The following HS1BP3 variants were observed in gnomAD, a reference collection of about 807,000 sequenced individuals.
HS1BP3 encodes the protein HCLS1-binding protein 3.
Under a neutral mutation model 33.5 loss-of-function variants are expected in HS1BP3, and 32 were observed. The ratio of observed to expected loss-of-function variants is 0.95; its 90% CI spans 0.72 to 1.28. The LOEUF (loss-of-function observed/expected upper bound fraction) is 1.28. Ranked by LOEUF, HS1BP3 falls within the 50% of genes most tolerant of loss-of-function variation. The pLI, the probability that HS1BP3 is intolerant of heterozygous loss-of-function variation, is 0.00. For missense variants in HS1BP3, 486 were observed against 502.3 expected, an observed-to-expected ratio of 0.97 and a Z score of 0.31; for synonymous variants, 187 against 209.2, an observed-to-expected ratio of 0.89 and a Z score of 0.92.
chr2:20,610,224 C>T (rs1446050754), intron 2 of HS1BP3, among the ~76,000 whole-genome samples: 2 of 152,170 alleles, frequency 1.3e-5, no homozygotes, highest in Admixed American at 6.5e-5. Flanking sequence ...GCCTCCTTAT[C>T]ACCCAGAGCC....
chr2:20,647,635 C>G (rs1017293974), intron 1 of HS1BP3, among the ~76,000 whole-genome samples: 1 of 152,160 alleles, frequency 6.6e-6, no homozygotes. Context: ...GCACCTGGGC[C>G]TACTCCATCA....
At chr2:20,627,855 T>C (rs1382436768) in intron 4 of HS1BP3, among the ~76,000 whole-genome samples, 1 of 152,190 alleles carries the variant, frequency 6.6e-6, no homozygotes, top group Non-Finnish European at 1.5e-5. Context: ...GGCTTAGTAA[T>C]GTGCCTGGTC....
chr2:20,645,508 G>A lies in HS1BP3; in HGVS notation c.33-3C>T. On this transcript the variant is annotated splice_polypyrimidine_tract_variant and splice_region_variant and intron_variant, in intron 1 of 6. Coordinates refer to ENST00000304031, the MANE Select transcript of HS1BP3 (RefSeq NM_022460.4). ...CAGTGTGGGCATTCTGAAGTCGCCT[G>A]CCAGGGGAAAAGAAGGCAGGTGGGG... 6.2e-7 allele frequency: 1 copy of A among 1,610,658 alleles called. No individual in the cohort carries two copies. Among genetic ancestry groups the A allele is most frequent in the East Asian group, 2.2e-5 (1 of 44,822 alleles).
In HS1BP3 at chr2:20,641,038, T is replaced by G. The variant is rs1425760425; in HGVS notation, c.341A>C (p.Glu114Ala). The G allele has an allele frequency of 6.2e-7, 1 of 1,614,058 alleles. No individual in the cohort carries two copies. Among genetic ancestry groups the G allele is most frequent in the African/African-American group, 1.3e-5 (1 of 74,934 alleles). The change falls in exon 3 of 7, where the codon GAG becomes GCG. Residue 114 changes from glutamate (E) to alanine (A), a missense_variant. Physicochemically the swap from Glu to Ala is moderately radical, Grantham distance 107. Coordinates refer to ENST00000304031, the MANE Select transcript of HS1BP3 (RefSeq NM_022460.4). ...ATCCTTGGAGACACAGCGCAGGATCTCATTGAACACGGCTCTCCTCTCCCG... is the reference window on the plus strand; with the variant it reads ...ATCCTTGGAGACACAGCGCAGGATCGCATTGAACACGGCTCTCCTCTCCCG... ...DIRERRAVFN[E>A]ILRCVSKDAE...
chr2:20,626,101 G>A (rs369854297), intron 4 of HS1BP3, among the ~76,000 whole-genome samples: 68 of 152,168 alleles, frequency 4.5e-4, no homozygotes, highest in African/African-American at 1.5e-3. Flanking sequence ...AACACGCTGC[G>A]GCAAAACTGC....
intron 4 of HS1BP3, among the ~76,000 whole-genome samples, chr2:20,628,021 G>C (rs1694842343): frequency 6.6e-6 from 1 of 152,150 alleles, no homozygotes. Flanking sequence ...GGGGCAGGGA[G>C]GGAAGAGGGA....
intron 4 of HS1BP3, among the ~76,000 whole-genome samples, chr2:20,628,920 T>A (rs76950217): frequency 3.2e-4 from 49 of 152,232 alleles, no homozygotes; most frequent in African/African-American, 9.9e-4. Flanking sequence ...GCAGACGTAG[T>A]GCCATGAGGG....
chr2:20,572,945 G>C (rs1173435473), intron 5 of HS1BP3, among the ~76,000 whole-genome samples: 1 of 152,164 alleles, frequency 6.6e-6, no homozygotes, highest in Non-Finnish European at 1.5e-5. Context: ...ATCACTCTGT[G>C]GTCCCCAGGG....
chr2:20,582,989 TCA>T (rs1693571219), intron 5 of HS1BP3, among the ~76,000 whole-genome samples: 1 of 152,026 alleles, frequency 6.6e-6, no homozygotes, highest in South Asian at 2.1e-4. Flanking sequence ...CACACCCTCC[TCA>T]CACCCTGGGC....
intron 5 of HS1BP3, among the ~76,000 whole-genome samples, chr2:20,565,976 T>A (rs1693117021): frequency 6.6e-6 from 1 of 152,234 alleles, no homozygotes. Context: ...ACGCATTGCT[T>A]CCTGGTATGG....
chr2:20,648,048 T>C (rs1695569447), intron 1 of HS1BP3, among the ~76,000 whole-genome samples: 1 of 152,186 alleles, frequency 6.6e-6, no homozygotes, highest in Non-Finnish European at 1.5e-5. Context: ...GGCTGGCTGC[T>C]CCTAAGGCCA....
At chr2:20,605,530 T>C (rs767122720) in intron 2 of HS1BP3, among the ~76,000 whole-genome samples, 4 of 152,166 alleles carry the variant, frequency 2.6e-5, no homozygotes, top group Non-Finnish European at 4.4e-5. Flanking sequence ...GTACAACTCT[T>C]GTTGCTATCG....
At chr2:20,602,982 C>G (rs1694102577) in intron 2 of HS1BP3, among the ~76,000 whole-genome samples, 1 of 152,144 alleles carries the variant, frequency 6.6e-6, no homozygotes, top group South Asian at 2.1e-4. Context: ...AAAAAAGATG[C>G]TCAACATCAT....
chr2:20,570,578 A>G (rs1693242910), intron 5 of HS1BP3, among the ~76,000 whole-genome samples: 1 of 152,162 alleles, frequency 6.6e-6, no homozygotes, highest in Non-Finnish European at 1.5e-5. Context: ...TGGGAGAGAG[A>G]TGGGTAAATG....
intron 2 of HS1BP3, among the ~76,000 whole-genome samples, chr2:20,600,831 A>C (rs891312387): frequency 1.3e-5 from 2 of 152,184 alleles, no homozygotes; most frequent in Non-Finnish European, 2.9e-5. Flanking sequence ...TTTATAAAAA[A>C]ATATATATTT....
intron 6 of HS1BP3, among the ~76,000 whole-genome samples, chr2:20,621,244 G>A (rs1694592955): frequency 6.6e-6 from 1 of 152,248 alleles, no homozygotes; most frequent in Non-Finnish European, 1.5e-5. Context: ...AGCACCCCCA[G>A]GGGTGGATGC....
intron 2 of HS1BP3, chr2:20,606,608 G>A (rs115692931): frequency 1.0e-3 from 484 of 483,502 alleles, no homozygotes; most frequent in African/African-American, 8.2e-3. Context: ...GTCTTTCCTG[G>A]CCAACTTTCC....
At chr2:20,574,934 CCCT>C (rs1558319194) in intron 5 of HS1BP3, among the ~76,000 whole-genome samples, 1 of 152,198 alleles carries the variant, frequency 6.6e-6, no homozygotes, top group Admixed American at 6.5e-5. Context: ...AGCCTCAATC[CCCT>C]CCTCTGCATA....
Position 20,573,401 on chromosome 2 carries a change from C to A in HS1BP3, c.303-12886G>T, listed in dbSNP as rs545535184. Among the ~76,000 whole-genome samples, 7 of 152,288 alleles carry A rather than the reference C, an allele frequency of 4.6e-5. 1 individual carries two copies. Among genetic ancestry groups the A allele is most frequent in the African/African-American group, 1.7e-4 (7 of 41,554 alleles). On this transcript the variant is annotated intron_variant, in intron 5 of 5. Coordinates refer to the HS1BP3 transcript ENST00000446825. Reference sequence around the variant, plus strand: ...GGGGTCCTCTGTCTCCACCACAACCCGTGGTACTTTGAGTCTCTTTGTTAC... The same window carrying A: ...GGGGTCCTCTGTCTCCACCACAACCAGTGGTACTTTGAGTCTCTTTGTTAC...
Sources: allele counts gnomAD v4.1 joint callset (sites outside exome capture counted in the v4.1 genomes callset), GRCh38; gene constraint gnomAD v4.1.1; transcripts MANE v1.5; gene names NCBI Gene and HGNC (gene_info 2026-07-23, HGNC 2026-07-21).